The following EHBP1 variants were observed in gnomAD, a reference collection of about 807,000 sequenced individuals.
The protein encoded by EHBP1 is EH domain binding protein 1.
Under a neutral mutation model 144.0 loss-of-function variants are expected in EHBP1, and 55 were observed. That is an observed-to-expected ratio of 0.38 (90% CI 0.31 to 0.48). The LOEUF (loss-of-function observed/expected upper bound fraction) is 0.48. EHBP1 is among the 20% of genes least tolerant of loss of function. The pLI, the probability that EHBP1 is intolerant of heterozygous loss-of-function variation, is 0.98. For missense variants in EHBP1, 1,200 were observed against 1,364.2 expected (o/e 0.88, Z 1.90); for synonymous variants, 469 against 472.7 (o/e 0.99, Z 0.10).
At chr2:62,805,408 TAA>T (rs543908958) in intron 5 of EHBP1, among the ~76,000 whole-genome samples, 202 of 151,416 alleles carry the variant, frequency 1.3e-3, no homozygotes, top group African/African-American at 4.4e-3. Flanking sequence ...CAACAAAATG[TAA>T]AAATACATAT....
intron 7 of EHBP1, among the ~76,000 whole-genome samples, chr2:62,838,061 C>T (rs1258546898): frequency 7.3e-5 from 11 of 150,798 alleles, no homozygotes; most frequent in African/African-American, 2.7e-4. Context: ...CACACCACAC[C>T]TATTCCAAAA....
At chr2:62,960,920 T>G (rs1042111368) in intron 14 of EHBP1, among the ~76,000 whole-genome samples, 2 of 152,208 alleles carry the variant, frequency 1.3e-5, no homozygotes, top group Non-Finnish European at 2.9e-5. Context: ...CTTTCTTTGT[T>G]GTTATGATGT....
chr2:62,795,172 C>G (rs1460833748), intron 5 of EHBP1, among the ~76,000 whole-genome samples: 5 of 151,880 alleles, frequency 3.3e-5, no homozygotes, highest in Admixed American at 3.3e-4. Flanking sequence ...TTTAAAAAAT[C>G]AATACAGGCA....
intron 7 of EHBP1, among the ~76,000 whole-genome samples, chr2:62,851,240 A>G (rs982365341): frequency 1.3e-5 from 2 of 152,130 alleles, no homozygotes; most frequent in Non-Finnish European, 2.9e-5. Flanking sequence ...ATAAAGTTCA[A>G]ATTCTTTAGT....
intron 14 of EHBP1, among the ~76,000 whole-genome samples, chr2:62,961,969 A>T (rs1165095203): frequency 3.9e-5 from 6 of 152,116 alleles, no homozygotes; most frequent in Non-Finnish European, 5.9e-5. Context: ...CGAACGTTGC[A>T]ATGAGTGGAG....
chr2:63,032,696 A>G, intron 19 of EHBP1, among the ~76,000 whole-genome samples: 1 of 152,022 alleles, frequency 6.6e-6, no homozygotes, highest in East Asian at 1.9e-4. Flanking sequence ...TTTATTGAGG[A>G]AGAACTTTGG....
At chr2:62,775,830 C>T (rs1266474789) in intron 5 of EHBP1, among the ~76,000 whole-genome samples, 1 of 152,254 alleles carries the variant, frequency 6.6e-6, no homozygotes, top group Admixed American at 6.5e-5. Flanking sequence ...AGTTATATAG[C>T]TAACAGGTTG....
chr2:62,712,890 A>G (rs538245459), intron 2 of EHBP1, among the ~76,000 whole-genome samples: 1 of 152,214 alleles, frequency 6.6e-6, no homozygotes, highest in Non-Finnish European at 1.5e-5. Flanking sequence ...TACAAAAATG[A>G]GCACATATCC....
chr2:62,773,778 G>A (rs746867440), intron 5 of EHBP1, among the ~76,000 whole-genome samples: 8 of 137,384 alleles, frequency 5.8e-5, no homozygotes, highest in Non-Finnish European at 9.2e-5. Flanking sequence ...TTGAACCAGG[G>A]AGATGGAGGT....
At chr2:62,752,710 A>G (rs931386904) in intron 3 of EHBP1, among the ~76,000 whole-genome samples, 6 of 152,080 alleles carry the variant, frequency 3.9e-5, no homozygotes, top group Non-Finnish European at 5.9e-5. Context: ...TTCTTGTTGA[A>G]TTGATCCCTT....
chr2:62,772,155 AAGAG>A (rs1025204180), intron 5 of EHBP1: 2 of 147,160 alleles, frequency 1.4e-5, no homozygotes, highest in Non-Finnish European at 3.0e-5. Flanking sequence ...AAAAGAGAGA[AAGAG>A]AGAAAGGGAG....
chr2:62,771,058 G>A (rs2041621363), intron 4 of EHBP1, among the ~76,000 whole-genome samples: 1 of 151,958 alleles, frequency 6.6e-6, no homozygotes. Flanking sequence ...ATAACTATTG[G>A]GTACTAGAAT....
intron 2 of EHBP1, among the ~76,000 whole-genome samples, chr2:62,722,918 A>T (rs1349547235): frequency 6.6e-6 from 1 of 152,192 alleles, no homozygotes; most frequent in Admixed American, 6.5e-5. Context: ...GAGGTATTTT[A>T]TGTCCAATTA....
chr2:62,694,415 A>T (rs868491563), intron 1 of EHBP1, among the ~76,000 whole-genome samples: 22 of 152,068 alleles, frequency 1.4e-4, no homozygotes, highest in African/African-American at 4.3e-4. Context: ...TTTCTATGGG[A>T]ATTGTGACTA....
rs373424629 is a variant in EHBP1 at position 62,742,617 on chromosome 2, A to T, written c.105-4778A>T. Among the ~76,000 whole-genome samples the T allele has an allele frequency of 7.9e-5, 12 of 152,054 alleles. No homozygotes were observed. The East Asian group carries it at 1.9e-3, about 24-fold the overall frequency. On this transcript the variant is annotated intron_variant, in intron 2 of 22. Transcript: ENST00000431489. The stretch of plus-strand genomic sequence containing the variant: ...ATTGACTTTGAATGCCTGAGAAAGA[A>T]TGGCCCAGGAATTGAAGGAGCTACC...
intron 2 of EHBP1, among the ~76,000 whole-genome samples, chr2:62,734,399 CTT>C (rs70962792): frequency 6.0e-4 from 77 of 127,742 alleles, no homozygotes; most frequent in Middle Eastern, 4.2e-3. Flanking sequence ...TGGCATGTGT[CTT>C]TTTTTTTTTT....
intron 10 of EHBP1, among the ~76,000 whole-genome samples, chr2:62,915,884 G>C (rs1269728744): frequency 6.6e-6 from 1 of 152,118 alleles, no homozygotes; most frequent in Non-Finnish European, 1.5e-5. Context: ...CAACACATTT[G>C]CATAATCATT....
chr2:62,785,393 G>T (rs1360312569), intron 5 of EHBP1, among the ~76,000 whole-genome samples: 1 of 152,188 alleles, frequency 6.6e-6, no homozygotes, highest in Non-Finnish European at 1.5e-5. Context: ...GCCTTAGCAG[G>T]TGCAGACAGA....
At chr2:62,811,608 A>G (rs2045013967) in intron 5 of EHBP1, among the ~76,000 whole-genome samples, 1 of 152,172 alleles carries the variant, frequency 6.6e-6, no homozygotes, top group Non-Finnish European at 1.5e-5. Flanking sequence ...TTGTTTCAGA[A>G]AGAGTGAAGT....
Sources: allele counts gnomAD v4.1 joint callset (sites outside exome capture counted in the v4.1 genomes callset), GRCh38; gene constraint gnomAD v4.1.1; transcripts MANE v1.5; gene names NCBI Gene and HGNC (gene_info 2026-07-23, HGNC 2026-07-21).